The following AGL variants were observed in gnomAD, a reference collection of about 807,000 sequenced individuals.
AGL encodes glycogen debranching enzyme.
AGL carries 128 observed loss-of-function variants against 199.3 expected under a neutral mutation model. The observed-to-expected ratio is 0.64, with a 90% CI of 0.56 to 0.74. The LOEUF (loss-of-function observed/expected upper bound fraction) is 0.74, where lower values mean the gene tolerates loss of function less well. Ranked by LOEUF, AGL falls within the 30% of genes least tolerant of loss-of-function variation. The pLI is 0.00. For missense variants in AGL, 1,809 were observed against 1,820.8 expected (o/e 0.99, Z 0.12); for synonymous variants, 584 against 594.7 (o/e 0.98, Z 0.26).
chr1:99,881,217 C>G (rs746526524), intron 15 of AGL, 40 bp downstream of exon 15: 2 of 1,612,384 alleles, frequency 1.2e-6, no homozygotes, highest in South Asian at 2.2e-5. Flanking sequence ...ACATGGCCAA[C>G]AACTTTGGGC....
At chr1:99,916,287 C>A in intron 31 of AGL, 123 bp from the exon 32 acceptor site, 1 of 773,784 alleles carries the variant, frequency 1.3e-6, no homozygotes, top group Non-Finnish European at 2.1e-6. Context: ...TAATGCCGAG[C>A]TTATTCTGTA....
intron 24 of AGL, among the ~76,000 whole-genome samples, chr1:99,895,112 G>C (rs1028771037): frequency 6.6e-6 from 1 of 152,044 alleles, no homozygotes; most frequent in Non-Finnish European, 1.5e-5. Context: ...ACAATAGCGT[G>C]ATCTCGGCTC....
Position 99,880,005 on chromosome 1 carries a change from A to G in AGL, c.1694A>G (p.Asn565Ser), listed in dbSNP as rs180768312. ...ELFTGSEDLD[N>S]VFVTRLGISS... ...TTCACAGGAAGTGAAGATCTGGACA[A>G]TGTCTTTGTTACTAGACTGGGCATT... The change falls in exon 13 of 34, where the codon AAT (asparagine) becomes AGT (serine). Residue 565 changes from asparagine to serine, a missense_variant. By Grantham distance (46) the Asn-to-Ser change is conservative. Coordinates refer to ENST00000361915, the MANE Select transcript of AGL (RefSeq NM_000642.3). The G allele has an allele frequency of 1.5e-5, 25 of 1,613,716 alleles. No homozygotes were observed. The Middle Eastern group carries it at 5.0e-4, about 32-fold the overall frequency.
intron 12 of AGL, 21 bp downstream of exon 12, chr1:99,877,849 T>C (rs1265754222): frequency 6.2e-7 from 1 of 1,610,666 alleles, no homozygotes; most frequent in Non-Finnish European, 8.5e-7. Flanking sequence ...ACAATTTATC[T>C]ACATTAAGAA....
intron 21 of AGL, 101 bp from the exon 22 acceptor site, chr1:99,891,117 ACC>A: frequency 6.9e-7 from 1 of 1,440,106 alleles, no homozygotes; most frequent in Non-Finnish European, 9.7e-7. Context: ...ATACGTATTC[ACC>A]CCAAATCACT....
At chr1:99,870,359 T>A (rs748391882) in intron 5 of AGL, 41 bp from the exon 6 acceptor site, 5 of 1,580,424 alleles carry the variant, frequency 3.2e-6, no homozygotes, top group Non-Finnish European at 2.6e-6. Flanking sequence ...CAGTTTCAAT[T>A]TAATTATGAG....
chr1:99,877,507 A>C, intron 11 of AGL, 134 bp from the exon 12 acceptor site: 1 of 760,780 alleles, frequency 1.3e-6, no homozygotes, highest in Non-Finnish European at 2.2e-6. Context: ...ATCTCATACC[A>C]CTTTAGATAT....
chr1:99,900,942 G>T, intron 26 of AGL, 81 bp downstream of exon 26: 3 of 1,235,828 alleles, frequency 2.4e-6, no homozygotes, highest in Non-Finnish European at 3.5e-6. Flanking sequence ...GTAAAAATAA[G>T]GGTAATTAAG....
chr1:99,880,697 G>C lies in AGL; in HGVS notation c.1801G>C (p.Val601Leu). ...RLVYRYGGEP[V>L]GSFVQPCLRP... ...AGTTTACCGATATGGAGGAGAACCT[G>C]TTGGATCCTTTGTTCAGCCCTGTTT... Residue 601 changes from valine (V) to leucine (L), a missense_variant, in exon 14 of 34, where the codon GTT becomes CTT. Val to Leu is a conservative substitution (Grantham distance 32). Transcript: ENST00000361915. 1 of 1,614,052 alleles carries C rather than the reference G, an allele frequency of 6.2e-7. No homozygotes were observed. Among genetic ancestry groups the C allele is most frequent in the Non-Finnish European group, 8.5e-7 (1 of 1,179,958 alleles).
rs1216059782 is a variant in AGL at position 99,900,668 on chromosome 1, G to A, written c.3395G>A (p.Arg1132Lys). The change falls in exon 26 of 34, where the codon AGG (arginine) becomes AAG (lysine). Residue 1132 changes from arginine (R) to lysine (K), a missense_variant. Coordinates refer to ENST00000361915, the MANE Select transcript of AGL (RefSeq NM_000642.3). ...NIILAFAGTLRHGLIPNLLGE... is the reference protein window; with the variant it reads ...NIILAFAGTLKHGLIPNLLGE... ...ATTTTAGCATTTGCGGGTACCCTGA[G>A]GCATGGTCTCATTCCTAATCTACTG... The A allele has an allele frequency of 3.1e-6, 5 of 1,614,124 alleles. No individual in the cohort carries two copies. The highest frequency in any genetic ancestry group is 1.7e-5 in the Admixed American group (1 of 60,022).
chr1:99,891,240 G>A lies in AGL; in HGVS notation c.2833G>A (p.Glu945Lys). 1 of 1,613,650 alleles carries A rather than the reference G, an allele frequency of 6.2e-7. No individual in the cohort carries two copies. ...TTCAGGTTTAATGTCTGTATTGGCA[G>A]AAATAAGACCAAAGAATGACTTGGG... The part of the protein sequence containing the change: ...GLQGLMSVLA[E>K]IRPKNDLGHP... Residue 945 changes from glutamate (E) to lysine (K), a missense_variant, in exon 22 of 34, where the codon GAA becomes AAA. Physicochemically the swap from Glu to Lys is moderately conservative, Grantham distance 56. Coordinates refer to ENST00000361915, the MANE Select transcript of AGL (RefSeq NM_000642.3).
At chr1:99,902,649 C>A in intron 26 of AGL, 34 bp from the exon 27 acceptor site, 1 of 1,492,150 alleles carries the variant, frequency 6.7e-7, no homozygotes, top group South Asian at 1.1e-5. Context: ...AATGTAATTT[C>A]TAACAGAGGT....
intron 3 of AGL, 44 bp from the exon 4 acceptor site, chr1:99,862,213 T>C: frequency 6.3e-7 from 1 of 1,591,570 alleles, no homozygotes; most frequent in Non-Finnish European, 8.6e-7. Flanking sequence ...AGGATTTTTT[T>C]TCTATCACTG....
intron 4 of AGL, among the ~76,000 whole-genome samples, chr1:99,863,205 T>C (rs924435998): frequency 1.3e-5 from 2 of 152,080 alleles, no homozygotes; most frequent in African/African-American, 2.4e-5. Context: ...CCCAAAGTGC[T>C]GGGATTATAG....
In AGL at chr1:99,880,027, C is replaced by A; in HGVS notation, c.1716C>A (p.Gly572=). The A allele has an allele frequency of 6.2e-7, 1 of 1,613,330 alleles. No homozygotes were observed. Among genetic ancestry groups the A allele is most frequent in the Non-Finnish European group, 8.5e-7 (1 of 1,179,454 alleles). The change falls in exon 13 of 34, where the codon GGC becomes GGA. Residue 572 remains glycine (G), a synonymous_variant. Coordinates refer to ENST00000361915, the MANE Select transcript of AGL (RefSeq NM_000642.3). ...ACAATGTCTTTGTTACTAGACTGGG[C>A]ATTAGTTCCTTAATAAGAGGTAGGC... is the stretch of plus-strand genomic sequence containing the variant. ...DLDNVFVTRL[G]ISSLIREAMS... is the part of the protein sequence containing the mutation.
intron 2 of AGL, among the ~76,000 whole-genome samples, chr1:99,857,489 G>A (rs1420599572): frequency 5.4e-4 from 82 of 152,090 alleles, no homozygotes; most frequent in Non-Finnish European, 3.4e-4. Context: ...GTAGTGAGCC[G>A]AGATCACGCC....
rs751501244 is a variant in AGL at position 99,874,711 on chromosome 1, A to G, written c.983A>G (p.Asp328Gly). The change falls in exon 8 of 34, where the codon GAT (aspartate) becomes GGT (glycine). Residue 328 changes from aspartate (D) to glycine (G), a missense_variant. Transcript: ENST00000361915. ...GAAAATAGGCGAGTAACCAAGTCTG[A>G]TCCAAACCAACACCTTACGATTATT... ...TQENRRVTKS[D>G]PNQHLTIIQD... 2 of 1,596,922 alleles carry G rather than the reference A, an allele frequency of 1.3e-6. No homozygotes were observed. The highest frequency in any genetic ancestry group is 2.2e-5 in the South Asian group (2 of 90,698).
chr1:99,890,188 C>G (rs1652768494), intron 21 of AGL, among the ~76,000 whole-genome samples: 2 of 152,152 alleles, frequency 1.3e-5, no homozygotes, highest in African/African-American at 4.8e-5. Context: ...AACCAACTAA[C>G]CAATTTTCCA....
chr1:99,857,631 G>A (rs1425806255), intron 2 of AGL, among the ~76,000 whole-genome samples: 3 of 151,652 alleles, frequency 2.0e-5, no homozygotes, highest in East Asian at 1.9e-4. Flanking sequence ...CCAACACAGC[G>A]AAACCCCGTC....
Sources: gnomAD v4.1 joint callset for allele counts (sites outside exome capture counted in the v4.1 genomes callset) on GRCh38, gnomAD v4.1.1 for gene constraint, MANE v1.5 for transcripts, NCBI Gene and HGNC (gene_info 2026-07-23, HGNC 2026-07-21) for gene names.